The following NME8 variants were observed in gnomAD, a reference collection of about 807,000 sequenced individuals.
The protein encoded by NME8 is protein NME8.
Under a neutral mutation model 82.3 loss-of-function variants are expected in NME8, and 72 were observed. That is an observed-to-expected ratio of 0.87 (90% CI 0.72 to 1.06). NME8 has a LOEUF of 1.06. Ranked by LOEUF, NME8 falls within the 50% of genes least tolerant of loss-of-function variation. The probability of loss-of-function intolerance (pLI) is 0.00; values close to 1 mark genes in which losing one functional copy is unlikely to be tolerated. For synonymous variants in NME8, 267 were observed against 228.5 expected (o/e 1.17, Z -1.52); for missense variants, 712 against 685.4 (o/e 1.04, Z -0.43).
In NME8 at chr7:37,888,386, A is replaced by G. The variant is rs1422130056; in HGVS notation, c.1357A>G (p.Thr453Ala). 6.2e-7 allele frequency: 1 copy of G among 1,613,418 alleles called. No individual in the cohort carries two copies. The highest frequency in any genetic ancestry group is 8.5e-7 in the Non-Finnish European group (1 of 1,179,594). The part of the protein sequence containing the change: ...EIQHFFPLQS[T>A]LGLIKPHATS... ...ACAGCATTTCTTTCCTCTTCAAAGC[A>G]CTTTAGGCTTGATTAAACCTCATGC... Residue 453 changes from threonine to alanine, a missense_variant, in exon 15 of 18, where the codon ACT becomes GCT. Physicochemically the swap from Thr to Ala is moderately conservative, Grantham distance 58 (BLOSUM62 0). Transcript: ENST00000199447.
At chr7:37,876,426 G>A (rs1027819822) in intron 11 of NME8, among the ~76,000 whole-genome samples, 3 of 151,558 alleles carry the variant, frequency 2.0e-5, no homozygotes, top group African/African-American at 7.3e-5. Flanking sequence ...ACAATAAAAA[G>A]GTAATTGGAA....
rs1554363589 is a variant in NME8, at chr7:37,867,829, A to G, written c.749A>G (p.Glu250Gly). ...CCACAGACTGACACCGAACCTAACG[A>G]ACGATCTGAGGATCAACCTGAGGTC... is the stretch of plus-strand genomic sequence containing the variant. ...TEPQTDTEPN[E>G]RSEDQPEVEA... The change falls in exon 11 of 18, where the codon GAA (glutamate) becomes GGA (glycine). Residue 250 changes from glutamate to glycine, a missense_variant. By Grantham distance (98) the Glu-to-Gly change is moderately conservative. Transcript: ENST00000199447. 6.2e-7 allele frequency: 1 copy of G among 1,613,928 alleles called. No individual in the cohort carries two copies.
chr7:37,893,777 T>C (rs1011075729), intron 15 of NME8, among the ~76,000 whole-genome samples: 8 of 152,064 alleles, frequency 5.3e-5, no homozygotes, highest in Admixed American at 1.3e-4. Flanking sequence ...TGAGGAAAGG[T>C]TTATGTTTTC....
chr7:37,892,379 G>A (rs1173187438), intron 15 of NME8, among the ~76,000 whole-genome samples: 2 of 150,420 alleles, frequency 1.3e-5, no homozygotes, highest in African/African-American at 2.4e-5. Flanking sequence ...AACTAACAGG[G>A]GATTCTTTTG....
intron 4 of NME8, 39 bp downstream of exon 4, chr7:37,850,474 G>A (rs1437259032): frequency 6.2e-7 from 1 of 1,609,550 alleles, no homozygotes; most frequent in East Asian, 2.2e-5. Flanking sequence ...CCTGGGGTTT[G>A]ACCCGGAGCT....
chr7:37,895,078 A>G (rs1017942713), intron 16 of NME8, among the ~76,000 whole-genome samples: 2 of 152,146 alleles, frequency 1.3e-5, no homozygotes, highest in Admixed American at 6.5e-5. Flanking sequence ...TACATAATTG[A>G]TGTGTTGAAA....
At chr7:37,894,692 T>C in intron 16 of NME8, 82 bp downstream of exon 16, 2 of 1,272,358 alleles carry the variant, frequency 1.6e-6, no homozygotes, top group Non-Finnish European at 2.2e-6. Context: ...CAAAAATTAA[T>C]TAAAACATTT....
chr7:37,865,244 G>C (rs1451012806), intron 9 of NME8, among the ~76,000 whole-genome samples: 2 of 152,150 alleles, frequency 1.3e-5, no homozygotes, highest in South Asian at 2.1e-4. Context: ...AGATACAATA[G>C]GGGTGCAGGT....
Position 37,895,610 on chromosome 7 carries a change from A to G in NME8, c.1544+1000A>G, listed in dbSNP as rs113340476. 6.2e-3 allele frequency among the ~76,000 whole-genome samples: 940 copies of G among 152,260 alleles called. 12 individuals carry two copies. The highest frequency in any genetic ancestry group is 0.021 in the African/African-American group (885 of 41,532). On this transcript the variant is annotated intron_variant, in intron 16 of 17. Coordinates refer to ENST00000199447, the MANE Select transcript of NME8 (RefSeq NM_016616.5). Reference sequence around the variant, plus strand: ...GAGTTACATGTCTTTTCTATTTTATATATATTACACATCAAAAATTTTCTA... The same window carrying G: ...GAGTTACATGTCTTTTCTATTTTATGTATATTACACATCAAAAATTTTCTA...
chr7:37,888,742 A>G (rs570767714), intron 15 of NME8, among the ~76,000 whole-genome samples: 26 of 152,234 alleles, frequency 1.7e-4, no homozygotes, highest in Non-Finnish European at 2.6e-4. Flanking sequence ...ATTAGTACGG[A>G]ATATCATGTT....
intron 2 of NME8, among the ~76,000 whole-genome samples, chr7:37,849,573 T>C (rs560345622): frequency 6.6e-6 from 1 of 152,142 alleles, no homozygotes; most frequent in Non-Finnish European, 1.5e-5. Flanking sequence ...TTTTCACTAG[T>C]ACATTAAGAT....
At chr7:37,867,970 C>T in intron 11 of NME8, 72 bp downstream of exon 11, 2 of 1,288,898 alleles carry the variant, frequency 1.6e-6, no homozygotes, top group South Asian at 1.2e-5. Flanking sequence ...GTAGGCACCT[C>T]AGTACCTAAG....
intron 5 of NME8, among the ~76,000 whole-genome samples, chr7:37,855,686 A>G (rs1317636560): frequency 6.6e-6 from 1 of 152,190 alleles, no homozygotes; most frequent in Admixed American, 6.6e-5. Context: ...TTCAAAAATT[A>G]TCAAACCATC....
At chr7:37,882,599 G>GAAAC (rs1374421441) in intron 12 of NME8, among the ~76,000 whole-genome samples, 3 of 39,786 alleles carry the variant, frequency 7.5e-5, no homozygotes, top group Admixed American at 6.6e-4. Flanking sequence ...AAGAAAGAAA[G>GAAAC]AGAGAGAGAG....
chr7:37,874,187 C>G (rs1475171698), intron 11 of NME8, among the ~76,000 whole-genome samples: 1 of 152,122 alleles, frequency 6.6e-6, no homozygotes, highest in Non-Finnish European at 1.5e-5. Flanking sequence ...CAGTTCTTAA[C>G]AGTGAACCTT....
intron 16 of NME8, 44 bp from the exon 17 acceptor site, chr7:37,896,826 A>G (rs1785235704): frequency 7.8e-6 from 12 of 1,533,220 alleles, no homozygotes; most frequent in African/African-American, 2.7e-5. Flanking sequence ...CAGTGTCAAC[A>G]GTTTTCAGTA....
At chr7:37,882,613 G>GAAAGAA (rs1554365644) in intron 12 of NME8, among the ~76,000 whole-genome samples, 44 of 85,110 alleles carry the variant, frequency 5.2e-4, no homozygotes, top group African/African-American at 1.4e-3. Context: ...GAGAGAGAGA[G>GAAAGAA]AGAAAGAAAG....
chr7:37,872,933 G>A (rs2722309), intron 11 of NME8, among the ~76,000 whole-genome samples: 1 of 151,944 alleles, frequency 6.6e-6, no homozygotes, highest in African/African-American at 2.4e-5. Context: ...TGCACACTGT[G>A]TCCAGACAGA....
intron 12 of NME8, among the ~76,000 whole-genome samples, chr7:37,883,971 ACACACACACACACACC>A (rs1343960399): frequency 1.3e-5 from 2 of 151,154 alleles, no homozygotes; most frequent in African/African-American, 4.9e-5. Flanking sequence ...CTACACACAC[ACACACACACACACACC>A]CACACAATCA....
Sources: allele counts gnomAD v4.1 joint callset (sites outside exome capture counted in the v4.1 genomes callset), GRCh38; gene constraint gnomAD v4.1.1; transcripts MANE v1.5; gene names NCBI Gene and HGNC (gene_info 2026-07-23, HGNC 2026-07-21).